SNTB1: variants seen among roughly 807,000 people sequenced by gnomAD.
The protein encoded by SNTB1 is syntrophin beta 1.
Under a neutral mutation model 48.9 loss-of-function variants are expected in SNTB1, and 36 were observed. That is an observed-to-expected ratio of 0.74 (90% CI 0.56 to 0.97). SNTB1 has a LOEUF of 0.97. Ranked by LOEUF, SNTB1 falls within the 50% of genes least tolerant of loss-of-function variation. SNTB1 has a pLI of 0.00. For synonymous variants in SNTB1, 299 were observed against 294.6 expected (o/e 1.01, Z -0.15); for missense variants, 786 against 703.4 (o/e 1.12, Z -1.33).
At chr8:120,767,213 G>A (rs1398751513) in intron 1 of SNTB1, among the ~76,000 whole-genome samples, 4 of 151,852 alleles carry the variant, frequency 2.6e-5, no homozygotes, top group Non-Finnish European at 5.9e-5. Flanking sequence ...ATTCTAGTTT[G>A]TTTCCATAGT....
At chr8:120,679,601 T>G (rs536517250) in intron 2 of SNTB1, among the ~76,000 whole-genome samples, 1 of 152,228 alleles carries the variant, frequency 6.6e-6, no homozygotes, top group Non-Finnish European at 1.5e-5. Flanking sequence ...TGTTTAAGTC[T>G]TTCAAATGTA....
At chr8:120,628,996 AT>A (rs1229365538) in intron 3 of SNTB1, among the ~76,000 whole-genome samples, 2 of 152,160 alleles carry the variant, frequency 1.3e-5, no homozygotes, top group Non-Finnish European at 2.9e-5. Context: ...TATTAAAAAA[AT>A]AATCTTCCAC....
chr8:120,597,128 A>G (rs1270342075), intron 3 of SNTB1, among the ~76,000 whole-genome samples: 1 of 152,202 alleles, frequency 6.6e-6, no homozygotes, highest in African/African-American at 2.4e-5. Flanking sequence ...AGATGAGCAG[A>G]AGGCAGTGGA....
rs950145069 is a variant in SNTB1 at position 120,602,631 on chromosome 8, A to G, written c.997-27406T>C. ...TGTGATTATCTTTCCCTGTGTTTCTATGTATCTATCTAGATCCCTCTCCAT... is the reference window on the plus strand; with the variant it reads ...TGTGATTATCTTTCCCTGTGTTTCTGTGTATCTATCTAGATCCCTCTCCAT... On this transcript the variant is annotated intron_variant, in intron 3 of 6. Coordinates refer to ENST00000517992, the MANE Select transcript of SNTB1 (RefSeq NM_021021.4). 5.9e-5 allele frequency among the ~76,000 whole-genome samples: 9 copies of G among 152,252 alleles called. No homozygotes were observed. The South Asian group carries it at 1.7e-3, about 28-fold the overall frequency.
intron 1 of SNTB1, among the ~76,000 whole-genome samples, chr8:120,783,987 T>C (rs1473017779): frequency 7.4e-6 from 1 of 134,368 alleles, no homozygotes; most frequent in East Asian, 2.1e-4. Context: ...ACTCCAGTTT[T>C]GTTTTGTTTT....
chr8:120,778,020 A>G (rs1168250865), intron 1 of SNTB1, among the ~76,000 whole-genome samples: 1 of 152,228 alleles, frequency 6.6e-6, no homozygotes, highest in Non-Finnish European at 1.5e-5. Flanking sequence ...TTTGCAAACC[A>G]CAGCTCTGTT....
chr8:120,662,636 T>G (rs1258759376), intron 2 of SNTB1, among the ~76,000 whole-genome samples: 1 of 152,164 alleles, frequency 6.6e-6, no homozygotes, highest in Non-Finnish European at 1.5e-5. Context: ...GGTGGTCAGA[T>G]GTCTGCCTCT....
chr8:120,570,067 C>G (rs1450591632), intron 4 of SNTB1, among the ~76,000 whole-genome samples: 1 of 152,144 alleles, frequency 6.6e-6, no homozygotes, highest in Non-Finnish European at 1.5e-5. Flanking sequence ...AAGAACCAGA[C>G]CAAAGGCAGA....
At chr8:120,786,010 G>C (rs957024754) in intron 1 of SNTB1, among the ~76,000 whole-genome samples, 2 of 152,164 alleles carry the variant, frequency 1.3e-5, no homozygotes, top group South Asian at 4.1e-4. Flanking sequence ...ACACACTAAG[G>C]CTATTTATAA....
At chr8:120,689,256 T>C (rs1053115388) in intron 2 of SNTB1, among the ~76,000 whole-genome samples, 5 of 152,212 alleles carry the variant, frequency 3.3e-5, no homozygotes, top group African/African-American at 1.2e-4. Flanking sequence ...AGCCCCAAGA[T>C]GCTGTGGCAT....
At chr8:120,552,314 A>C (rs554316215) in intron 4 of SNTB1, among the ~76,000 whole-genome samples, 54 of 152,330 alleles carry the variant, frequency 3.5e-4, no homozygotes, top group African/African-American at 1.3e-3. Flanking sequence ...CAATACCCTG[A>C]ACAGGGAGAG....
At chr8:120,758,959 C>T (rs180872526) in intron 1 of SNTB1, among the ~76,000 whole-genome samples, 61 of 152,148 alleles carry the variant, frequency 4.0e-4, no homozygotes, top group Admixed American at 1.7e-3. Flanking sequence ...TTTATAGAGA[C>T]GGTGTCTTGC....
intron 1 of SNTB1, among the ~76,000 whole-genome samples, chr8:120,791,876 C>G (rs1820042017): frequency 6.6e-6 from 1 of 151,860 alleles, no homozygotes; most frequent in Non-Finnish European, 1.5e-5. Context: ...ATTAGTACAC[C>G]TCTATGGAAA....
chr8:120,599,283 C>T (rs150244073), intron 3 of SNTB1, among the ~76,000 whole-genome samples: 69 of 152,240 alleles, frequency 4.5e-4, no homozygotes, highest in Admixed American at 1.6e-3. Flanking sequence ...ATAAAAATAC[C>T]GCACAAATAA....
At chr8:120,783,013 A>G (rs1167272908) in intron 1 of SNTB1, among the ~76,000 whole-genome samples, 1 of 152,188 alleles carries the variant, frequency 6.6e-6, no homozygotes, top group Non-Finnish European at 1.5e-5. Flanking sequence ...GAGTGTGTCT[A>G]ATCAATAGTT....
intron 1 of SNTB1, among the ~76,000 whole-genome samples, chr8:120,770,741 AAGC>A (rs1819611559): frequency 6.6e-6 from 1 of 152,220 alleles, no homozygotes; most frequent in Non-Finnish European, 1.5e-5. Flanking sequence ...TGAACCCAGG[AAGC>A]AGAGGTTGCA....
At chr8:120,777,072 C>T (rs370361044) in intron 1 of SNTB1, among the ~76,000 whole-genome samples, 19 of 152,156 alleles carry the variant, frequency 1.2e-4, no homozygotes, top group South Asian at 4.1e-4. Context: ...AGATTTAGAA[C>T]GGGGAAGGAC....
rs149562226 is a variant in SNTB1, at chr8:120,779,882, T to C, written c.571+31391A>G. Among the ~76,000 whole-genome samples, 90 of 152,238 alleles carry C rather than the reference T, an allele frequency of 5.9e-4. 1 individual carries two copies. Among genetic ancestry groups the C allele is most frequent in the Middle Eastern group, 3.4e-3 (1 of 294 alleles). ...CAGTGGACATGCCTGAAGTTCGGGA[T>C]AGAGGCAAAGGCTAGAGAAAGGGAT... On this transcript the variant is annotated intron_variant, in intron 1 of 6. Coordinates refer to ENST00000517992, the MANE Select transcript of SNTB1 (RefSeq NM_021021.4).
Position 120,551,942 on chromosome 8 carries a change from T to C in SNTB1, c.1137-2984A>G, listed in dbSNP as rs1472415548. On this transcript the variant is annotated intron_variant, in intron 4 of 6. Coordinates refer to ENST00000517992, the MANE Select transcript of SNTB1 (RefSeq NM_021021.4). ...TTGTTCAGTATTTAGTACATTATAG[T>C]CAGCATTCAATAAAAACTGGTTCCC... Among the ~76,000 whole-genome samples the C allele has an allele frequency of 2.0e-5, 3 of 152,142 alleles. No individual in the cohort carries two copies. The East Asian group carries it at 5.8e-4, about 29-fold the overall frequency.
Sources: allele counts gnomAD v4.1 joint callset (sites outside exome capture counted in the v4.1 genomes callset), GRCh38; gene constraint gnomAD v4.1.1; transcripts MANE v1.5; gene names NCBI Gene and HGNC (gene_info 2026-07-23, HGNC 2026-07-21).